Variants in AFF4 observed in about 807,000 individuals in gnomAD.
AFF4 encodes ALF transcription elongation factor 4.
AFF4 carries 13 observed loss-of-function variants against 124.8 expected under a neutral mutation model. That is an observed-to-expected ratio of 0.10 (90% CI 0.07 to 0.17). The LOEUF (loss-of-function observed/expected upper bound fraction) is 0.17, where lower values mean the gene tolerates loss of function less well. AFF4 is among the 10% of genes least tolerant of loss of function. The pLI is 1.00. For synonymous variants in AFF4, 477 were observed against 496.1 expected (o/e 0.96, Z 0.51); for missense variants, 1,092 against 1,403.8 (o/e 0.78, Z 3.55).
rs1201150102 is a variant in AFF4 at position 132,893,685 on chromosome 5, G to A, written c.2308-567C>T. On this transcript the variant is annotated intron_variant, in intron 11 of 20. Coordinates refer to ENST00000265343, the MANE Select transcript of AFF4 (RefSeq NM_014423.4). ...TTTAGTAGAGACGGGGTTTCACCAT[G>A]GCCAGGATGGTCTCAATCTCCTGAC... Among the ~76,000 whole-genome samples the A allele has an allele frequency of 4.6e-5, 7 of 152,132 alleles. No homozygotes were observed. The South Asian group carries it at 1.0e-3, about 23-fold the overall frequency.
At chr5:132,961,461 C>T (rs1308397878) in intron 1 of AFF4, among the ~76,000 whole-genome samples, 1 of 152,062 alleles carries the variant, frequency 6.6e-6, no homozygotes, top group Non-Finnish European at 1.5e-5. Context: ...AGGTGATCCG[C>T]CCACCTCGGC....
intron 1 of AFF4, among the ~76,000 whole-genome samples, chr5:132,960,192 T>C (rs1052982616): frequency 1.3e-5 from 2 of 152,160 alleles, no homozygotes; most frequent in Non-Finnish European, 2.9e-5. Context: ...TCAAATAGAA[T>C]TGTTCCAACT....
At chr5:132,921,287 A>G (rs1761038497) in intron 5 of AFF4, among the ~76,000 whole-genome samples, 1 of 152,160 alleles carries the variant, frequency 6.6e-6, no homozygotes, top group South Asian at 2.1e-4. Context: ...CTCTAGAGAA[A>G]TGTAAATTGA....
intron 4 of AFF4, among the ~76,000 whole-genome samples, chr5:132,930,941 A>C (rs1221958955): frequency 6.7e-6 from 1 of 149,566 alleles, no homozygotes; most frequent in East Asian, 2.0e-4. Flanking sequence ...ACTAAAAAAA[A>C]AAAAAAAAAA....
intron 5 of AFF4, 106 bp downstream of exon 5, chr5:132,927,015 G>T: frequency 2.4e-6 from 2 of 837,018 alleles, no homozygotes; most frequent in Non-Finnish European, 3.8e-6. Flanking sequence ...TTTACTGTCT[G>T]TCTCCCACTA....
Position 132,878,481 on chromosome 5 carries a change from G to A in AFF4, c.*2578C>T. The A allele has an allele frequency of 4.3e-6, 1 of 231,988 alleles. No homozygotes were observed. Among genetic ancestry groups the A allele is most frequent in the Middle Eastern group, 1.3e-3 (1 of 782 alleles). 14.4% of individuals were successfully genotyped at this position (231,988 alleles called of 1,614,324 possible). On this transcript the variant is annotated 3_prime_UTR_variant, in exon 21 of 21. Coordinates refer to ENST00000265343, the MANE Select transcript of AFF4 (RefSeq NM_014423.4). ...ACTGAGGACACCTATTGAGGAGGGA[G>A]GGGGGAAGGTCACCTGTAAAGGAGT...
At position 132,877,345 on chromosome 5, in the gene AFF4, A is replaced by G. The variant is rs1268962382; in HGVS notation, c.*3714T>C. 1.4e-5 allele frequency: 3 copies of G among 214,692 alleles called. No individual in the cohort carries two copies. Among genetic ancestry groups the G allele is most frequent in the African/African-American group, 2.3e-5 (1 of 44,372 alleles). 13.3% of individuals were successfully genotyped at this position (214,692 alleles called of 1,614,324 possible). A position where few individuals can be genotyped will look rare whatever the true frequency, so the allele number is the denominator to read the frequency against. On this transcript the variant is annotated 3_prime_UTR_variant, in exon 21 of 21. Transcript: ENST00000265343. ...TTTAAAAGTTAATTTACTACAAATC[A>G]TAGTAATTAAGCTTTAACAATCTAA...
chr5:132,889,250 C>T lies in AFF4; in HGVS notation c.2638-77G>A. 3 of 1,051,732 alleles carry T rather than the reference C, an allele frequency of 2.9e-6. No individual in the cohort carries two copies. In the South Asian group the frequency reaches 5.0e-5, roughly 17 times the overall value. 65.1% of individuals were successfully genotyped at this position (1,051,732 alleles called of 1,614,324 possible). A position where few individuals can be genotyped will look rare whatever the true frequency, so the allele number is the denominator to read the frequency against. On this transcript the variant is annotated intron_variant, in intron 13 of 20. Transcript: ENST00000265343. Reference sequence around the variant, plus strand: ...GAAACTAATAGCATTTCTTCAGCCACTGGTAAAAAGGAAACAAAATTTCAT... The same window carrying T: ...GAAACTAATAGCATTTCTTCAGCCATTGGTAAAAAGGAAACAAAATTTCAT...
chr5:132,943,523 A>T, intron 1 of AFF4: 1 of 180,722 alleles, frequency 5.5e-6, no homozygotes, highest in Non-Finnish European at 1.3e-5. Context: ...AATATCTACA[A>T]AATTGGTGGT....
Position 132,908,157 on chromosome 5 carries a change from T to C in AFF4, c.1051-3753A>G, listed in dbSNP as rs552336201. 4.6e-5 allele frequency among the ~76,000 whole-genome samples: 7 copies of C among 152,182 alleles called. No homozygotes were observed. The South Asian group carries it at 1.5e-3, about 32-fold the overall frequency. On this transcript the variant is annotated intron_variant, in intron 5 of 20. Transcript: ENST00000265343. ...TCATATACTCCATTACTAAGAAATT[T>C]TTCCATTTGTATCTCCAAAATATGT...
At chr5:132,888,047 CTTAAG>C (rs750908052) in intron 15 of AFF4, 45 bp downstream of exon 15, 53 of 1,606,080 alleles carry the variant, frequency 3.3e-5, no homozygotes, top group Non-Finnish European at 4.1e-5. Flanking sequence ...CAGAAGATTA[CTTAAG>C]TTAATTTGAT....
At chr5:132,963,214 C>T (rs1164404796) in intron 1 of AFF4, 45 bp downstream of exon 1, 2 of 389,070 alleles carry the variant, frequency 5.1e-6, no homozygotes, top group Admixed American at 8.9e-5. Flanking sequence ...GCCACAACCC[C>T]CGCGGCCCGG....
rs376480638 is a variant in AFF4, at chr5:132,886,422, C to T, written c.3006-19G>A. On this transcript the variant is annotated intron_variant, in intron 17 of 20. Transcript: ENST00000265343. ...TCGCAGGCTAGCCAATGGAAAAGGGCGGCTTATTTACCAGGACAGCAAACT... is the reference window on the plus strand; with the variant it reads ...TCGCAGGCTAGCCAATGGAAAAGGGTGGCTTATTTACCAGGACAGCAAACT... 1.7e-5 allele frequency: 27 copies of T among 1,610,714 alleles called. No homozygotes were observed. Among genetic ancestry groups the T allele is most frequent in the Middle Eastern group, 1.8e-4 (1 of 5,682 alleles).
intron 1 of AFF4, among the ~76,000 whole-genome samples, chr5:132,959,568 C>T (rs1762034620): frequency 6.6e-6 from 1 of 151,918 alleles, no homozygotes; most frequent in African/African-American, 2.4e-5. Context: ...TTCTGTGCCC[C>T]AGTATCGTTA....
intron 5 of AFF4, chr5:132,926,717 T>TC (rs1430034914): frequency 6.8e-6 from 1 of 147,482 alleles, no homozygotes; most frequent in Admixed American, 6.9e-5. Context: ...TTTTTTTTTT[T>TC]TTTTTTTTTC....
chr5:132,958,738 C>T lies in AFF4; in HGVS notation c.-5+4521G>A, dbSNP rs982242084. Reference sequence around the variant, plus strand: ...GGTACTCATCTCTCCATAAAACTGTCCCTTCCCTAATGATGACATGAAAAG... The same window carrying T: ...GGTACTCATCTCTCCATAAAACTGTTCCTTCCCTAATGATGACATGAAAAG... On this transcript the variant is annotated intron_variant, in intron 1 of 20. Transcript: ENST00000265343. 5.3e-5 allele frequency among the ~76,000 whole-genome samples: 8 copies of T among 152,254 alleles called. 1 individual carries two copies. Among genetic ancestry groups the T allele is most frequent in the East Asian group, 3.9e-4 (2 of 5,182 alleles).
chr5:132,915,142 C>A (rs1760878868), intron 5 of AFF4, among the ~76,000 whole-genome samples: 3 of 152,048 alleles, frequency 2.0e-5, no homozygotes, highest in African/African-American at 7.2e-5. Flanking sequence ...ATGGTCTAGA[C>A]CATCCTGGCT....
At chr5:132,951,734 C>T (rs1490319467) in intron 1 of AFF4, among the ~76,000 whole-genome samples, 2 of 152,122 alleles carry the variant, frequency 1.3e-5, no homozygotes, top group Non-Finnish European at 2.9e-5. Flanking sequence ...CACCATATTG[C>T]CTAGGCTGGT....
intron 1 of AFF4, among the ~76,000 whole-genome samples, chr5:132,949,797 G>A (rs1761793427): frequency 6.7e-6 from 1 of 150,196 alleles, no homozygotes; most frequent in African/African-American, 2.5e-5. Flanking sequence ...GGGAGGCGGA[G>A]CTAGCAGTGA....
Sources: allele counts gnomAD v4.1 joint callset (sites outside exome capture counted in the v4.1 genomes callset), GRCh38; gene constraint gnomAD v4.1.1; transcripts MANE v1.5; gene names NCBI Gene and HGNC (gene_info 2026-07-23, HGNC 2026-07-21).